Variants in RBMS3 observed in about 807,000 individuals in gnomAD.
RBMS3 encodes the protein RNA binding motif single stranded interacting protein 3.
In RBMS3, 27 loss-of-function variants were observed where a neutral mutation model predicts 66.8. The ratio of observed to expected loss-of-function variants is 0.40; its 90% CI spans 0.30 to 0.56. The LOEUF (loss-of-function observed/expected upper bound fraction) is 0.56, where lower values mean the gene tolerates loss of function less well. RBMS3 is among the 20% of genes least tolerant of loss of function. RBMS3 has a pLI of 0.40. For synonymous variants in RBMS3, 188 were observed against 183.0 expected, an observed-to-expected ratio of 1.03 and a Z score of -0.22; for missense variants, 513 against 549.5, an observed-to-expected ratio of 0.93 and a Z score of 0.66.
chr3:29,587,333 C>T, intron 4 of RBMS3, 128 bp downstream of exon 4: 2 of 565,410 alleles, frequency 3.5e-6, no homozygotes, highest in East Asian at 3.5e-5. Context: ...AATATTTCTC[C>T]TTTGCTCTGA....
chr3:29,939,637 G>GT (rs2061344692), intron 11 of RBMS3, among the ~76,000 whole-genome samples: 1 of 151,826 alleles, frequency 6.6e-6, no homozygotes, highest in Non-Finnish European at 1.5e-5. Context: ...CCTGCCCAAG[G>GT]TTTTTCTGGT....
chr3:29,386,593 C>T (rs2039019500), intron 1 of RBMS3, among the ~76,000 whole-genome samples: 1 of 152,158 alleles, frequency 6.6e-6, no homozygotes, highest in South Asian at 2.1e-4. Context: ...AATTGTTGCT[C>T]TCCTGAAACA....
intron 5 of RBMS3, among the ~76,000 whole-genome samples, chr3:29,753,997 A>C (rs1348726281): frequency 2.0e-5 from 3 of 151,644 alleles, no homozygotes; most frequent in African/African-American, 7.3e-5. Flanking sequence ...TCATTCTGTC[A>C]CCCAGGCTAC....
Position 30,007,981 on chromosome 3 carries a change from C to T in RBMS3, c.*4119C>T, listed in dbSNP as rs1405076206. Reference sequence around the variant, plus strand: ...AAGGCTGTTTAAAGCAGGAATTTCACTTTATTTTACTATGCCTAAAAATAC... The same window carrying T: ...AAGGCTGTTTAAAGCAGGAATTTCATTTTATTTTACTATGCCTAAAAATAC... On this transcript the variant is annotated 3_prime_UTR_variant, in exon 15 of 15. Transcript: ENST00000383767. 2 of 152,106 alleles carry T rather than the reference C, an allele frequency of 1.3e-5. No individual in the cohort carries two copies. The highest frequency in any genetic ancestry group is 1.5e-5 in the Non-Finnish European group (1 of 67,954). The allele number at this position is 152,106 out of a possible 1,614,324, so 9.4% of individuals were successfully genotyped here.
In RBMS3 at chr3:29,438,028, T is replaced by TTTTCTCTC. The variant is rs146912044; in HGVS notation, c.248+3114_248+3115insTTCTCTCT. Reference sequence around the variant, plus strand: ...AGGTCATTTGTAAAACCTTGCTTGTTTCTCTCTCTCTCTCTCTCTCTCTCT... The same window carrying TTTTCTCTC: ...AGGTCATTTGTAAAACCTTGCTTGTTTTTCTCTCTCTCTCTCTCTCTCTCTCTCTCTCT... On this transcript the variant is annotated intron_variant, in intron 2 of 14. Transcript: ENST00000383767. 1.1e-3 allele frequency among the ~76,000 whole-genome samples: 163 copies of TTTTCTCTC among 142,554 alleles called. 3 individuals carry two copies. In the East Asian group the frequency reaches 0.015, roughly 13 times the overall value. The allele number at this position is 142,554 out of a possible 152,430, so 93.5% of individuals were successfully genotyped here. A position where few individuals can be genotyped will look rare whatever the true frequency, so the allele number is the denominator to read the frequency against.
chr3:29,813,990 T>C (rs1395750218), intron 6 of RBMS3, among the ~76,000 whole-genome samples: 1 of 152,078 alleles, frequency 6.6e-6, no homozygotes, highest in Non-Finnish European at 1.5e-5. Context: ...CCTGCCTAAT[T>C]GCCCTGGCCA....
chr3:29,685,252 G>A (rs969938074), intron 4 of RBMS3, among the ~76,000 whole-genome samples: 7 of 152,074 alleles, frequency 4.6e-5, no homozygotes, highest in East Asian at 3.9e-4. Flanking sequence ...TAGTAGAGAT[G>A]GGGTTTCACC....
chr3:29,498,723 T>C (rs1288627464), intron 3 of RBMS3, among the ~76,000 whole-genome samples: 2 of 152,188 alleles, frequency 1.3e-5, no homozygotes, highest in Admixed American at 1.3e-4. Flanking sequence ...TGGAACCATG[T>C]TTGTTATATG....
chr3:29,332,624 T>G (rs1426754935), intron 1 of RBMS3, among the ~76,000 whole-genome samples: 1 of 152,134 alleles, frequency 6.6e-6, no homozygotes, highest in Admixed American at 6.6e-5. Context: ...TCTGAAGTTT[T>G]GAAATAAATA....
chr3:29,760,146 A>G (rs2055608181), intron 5 of RBMS3, among the ~76,000 whole-genome samples: 1 of 152,004 alleles, frequency 6.6e-6, no homozygotes, highest in Admixed American at 6.6e-5. Flanking sequence ...GGAGGACTTG[A>G]GGCTTTCAAA....
intron 3 of RBMS3, among the ~76,000 whole-genome samples, chr3:29,515,636 A>G (rs149934515): frequency 6.6e-6 from 1 of 152,226 alleles, no homozygotes; most frequent in South Asian, 2.1e-4. Flanking sequence ...TTCACACCGC[A>G]TAAGAAGGAG....
At position 29,667,363 on chromosome 3, in the gene RBMS3, C is replaced by A. The variant is rs147348767; in HGVS notation, c.400-72357C>A. On this transcript the variant is annotated intron_variant, in intron 4 of 14. Transcript: ENST00000383767. ...TGGTATAACCATGTAGTCTCTGGAC[C>A]AAACAACGTCAGTATACCCCTGAGA... is the stretch of plus-strand genomic sequence containing the variant. Among the ~76,000 whole-genome samples, 512 of 152,214 alleles carry A rather than the reference C, an allele frequency of 3.4e-3. 2 individuals carry two copies. The highest frequency in any genetic ancestry group is 5.8e-3 in the Non-Finnish European group (395 of 67,994).
chr3:29,369,273 C>T (rs147303482), intron 1 of RBMS3, among the ~76,000 whole-genome samples: 15 of 151,824 alleles, frequency 9.9e-5, no homozygotes, highest in Admixed American at 9.9e-4. Flanking sequence ...CACAAGTTTA[C>T]CTATATAATG....
At chr3:29,719,857 T>C (rs1164724412) in intron 4 of RBMS3, among the ~76,000 whole-genome samples, 2 of 152,164 alleles carry the variant, frequency 1.3e-5, no homozygotes, top group African/African-American at 4.8e-5. Flanking sequence ...AGGACTCTCC[T>C]CATCCATTAC....
intron 14 of RBMS3, among the ~76,000 whole-genome samples, chr3:29,993,695 T>G (rs567322487): frequency 1.3e-5 from 2 of 152,306 alleles, no homozygotes; most frequent in East Asian, 3.9e-4. Context: ...CCTTTGAACT[T>G]AAACAAAAAT....
At chr3:29,583,258 A>G (rs184809922) in intron 3 of RBMS3, among the ~76,000 whole-genome samples, 126 of 152,124 alleles carry the variant, frequency 8.3e-4, no homozygotes, top group Non-Finnish European at 1.4e-3. Context: ...CCTGTGTACC[A>G]TGTGGGGGTG....
At chr3:29,958,558 G>GT (rs889740628) in intron 12 of RBMS3, among the ~76,000 whole-genome samples, 10 of 151,320 alleles carry the variant, frequency 6.6e-5, no homozygotes, top group African/African-American at 1.2e-4. Flanking sequence ...AAATCTGAGA[G>GT]TTTTTTTTTA....
intron 3 of RBMS3, among the ~76,000 whole-genome samples, chr3:29,570,661 C>T (rs774101587): frequency 2.0e-4 from 30 of 152,116 alleles, no homozygotes; most frequent in Non-Finnish European, 3.8e-4. Context: ...GGATCTCATT[C>T]TCTTTTATGG....
chr3:29,979,968 G>C (rs970656826), intron 12 of RBMS3, among the ~76,000 whole-genome samples: 1 of 152,174 alleles, frequency 6.6e-6, no homozygotes, highest in Non-Finnish European at 1.5e-5. Flanking sequence ...GGATTGCTGG[G>C]TCAAATTGTA....
Sources: allele counts gnomAD v4.1 joint callset (sites outside exome capture counted in the v4.1 genomes callset), GRCh38; gene constraint gnomAD v4.1.1; transcripts MANE v1.5; gene names NCBI Gene and HGNC (gene_info 2026-07-23, HGNC 2026-07-21).